ZBTB7C: variants seen among roughly 807,000 people sequenced by gnomAD.
ZBTB7C encodes zinc finger and BTB domain-containing protein 7C.
Under a neutral mutation model 25.7 loss-of-function variants are expected in ZBTB7C, and 8 were observed. That is an observed-to-expected ratio of 0.31 (90% CI 0.18 to 0.56). ZBTB7C has a LOEUF of 0.56. Ranked by LOEUF, ZBTB7C falls within the 20% of genes least tolerant of loss-of-function variation. The pLI, the probability that ZBTB7C is intolerant of heterozygous loss-of-function variation, is 0.91. For missense variants in ZBTB7C, 824 were observed against 855.2 expected, an observed-to-expected ratio of 0.96 and a Z score of 0.46; for synonymous variants, 394 against 369.0, an observed-to-expected ratio of 1.07 and a Z score of -0.78.
chr18:48,321,798 G>C (rs902946376), intron 2 of ZBTB7C, among the ~76,000 whole-genome samples: 1 of 152,128 alleles, frequency 6.6e-6, no homozygotes, highest in Non-Finnish European at 1.5e-5. Context: ...GCTGCGTGCC[G>C]ATCCGCCCCA....
intron 3 of ZBTB7C, among the ~76,000 whole-genome samples, chr18:48,110,376 G>T (rs1487935014): frequency 2.6e-5 from 4 of 152,112 alleles, no homozygotes; most frequent in Admixed American, 2.6e-4. Flanking sequence ...TTCTTCCTGG[G>T]CACCTCTTAG....
intron 2 of ZBTB7C, among the ~76,000 whole-genome samples, chr18:48,267,583 C>T (rs1011265105): frequency 9.9e-5 from 15 of 152,212 alleles, no homozygotes; most frequent in African/African-American, 2.7e-4. Context: ...ACATCATGTT[C>T]TGGTTTGCAG....
At chr18:48,221,004 C>A (rs1044373476) in intron 2 of ZBTB7C, among the ~76,000 whole-genome samples, 6 of 151,678 alleles carry the variant, frequency 4.0e-5, no homozygotes, top group Non-Finnish European at 5.9e-5. Flanking sequence ...CCTGGTCTCC[C>A]TCTATGCTGT....
At chr18:48,272,590 A>C (rs2144583890) in intron 2 of ZBTB7C, among the ~76,000 whole-genome samples, 1 of 152,340 alleles carries the variant, frequency 6.6e-6, no homozygotes, top group Non-Finnish European at 1.5e-5. Context: ...TTTGGGAAAG[A>C]GTGAAGAGTT....
intron 3 of ZBTB7C, chr18:48,083,791 T>C (rs1479808286): frequency 1.0e-6 from 1 of 974,904 alleles, no homozygotes; most frequent in Non-Finnish European, 1.2e-6. Flanking sequence ...AACTCCTTTG[T>C]TCCTTCTGAT....
intron 3 of ZBTB7C, among the ~76,000 whole-genome samples, chr18:48,132,881 T>C (rs1485687609): frequency 6.6e-6 from 1 of 152,224 alleles, no homozygotes; most frequent in Non-Finnish European, 1.5e-5. Context: ...AACGCATATG[T>C]GTAGGCAGCA....
intron 2 of ZBTB7C, among the ~76,000 whole-genome samples, chr18:48,285,354 C>G (rs530380962): frequency 1.3e-5 from 2 of 152,306 alleles, no homozygotes; most frequent in South Asian, 4.1e-4. Flanking sequence ...ATTATATGTC[C>G]TAGCAGACTG....
At chr18:48,257,429 A>T (rs746118572) in intron 2 of ZBTB7C, among the ~76,000 whole-genome samples, 12 of 152,188 alleles carry the variant, frequency 7.9e-5, no homozygotes, top group Non-Finnish European at 1.3e-4. Context: ...AAACTTTCCC[A>T]TAAAGAAAAT....
chr18:48,040,385 G>A lies in ZBTB7C; in HGVS notation c.723C>T (p.Ile241=). 1.2e-6 allele frequency: 2 copies of A among 1,612,214 alleles called. No homozygotes were observed. Among genetic ancestry groups the A allele is most frequent in the Non-Finnish European group, 1.7e-6 (2 of 1,179,016 alleles). The change falls in exon 4 of 5, where the codon ATC becomes ATT. Residue 241 remains isoleucine (I), a synonymous_variant. Transcript: ENST00000590800. ...GAGACAAGGAGGGTCTCCTGTCGGG[G>A]ATGTTGGCCTTGGGGTACAGGTTCT... ...LRENLYPKAN[I]PDRRPSLSPF...
Position 48,040,634 on chromosome 18 carries a change from C to G in ZBTB7C, c.474G>C (p.Glu158Asp), listed in dbSNP as rs944095879. The G allele has an allele frequency of 1.9e-6, 3 of 1,609,794 alleles. No homozygotes were observed. Among genetic ancestry groups the G allele is most frequent in the Non-Finnish European group, 2.5e-6 (3 of 1,177,318 alleles). ...DDDEEDEEEE[E>D]EEEEDDDDDT... The stretch of plus-strand genomic sequence containing the variant: ...CATCATCGTCATCCTCCTCCTCTTC[C>G]TCCTCCTCCTCTTCGTCCTCCTCAT... Residue 158 changes from glutamate (E) to aspartate (D), a missense_variant, in exon 4 of 5, where the codon GAG becomes GAC. Glu to Asp is a conservative substitution (Grantham distance 45). This residue lies in a region of ZBTB7C where 316 missense variants were observed against 299.2 expected (regional missense o/e 1.06). Transcript: ENST00000590800.
At chr18:48,391,216 G>A (rs1325922566) in intron 1 of ZBTB7C, among the ~76,000 whole-genome samples, 1 of 152,170 alleles carries the variant, frequency 6.6e-6, no homozygotes, top group Non-Finnish European at 1.5e-5. Flanking sequence ...CCAAGTGAAG[G>A]GACATCCTCT....
chr18:48,407,856 G>A (rs2048317029), intron 1 of ZBTB7C, among the ~76,000 whole-genome samples: 1 of 152,038 alleles, frequency 6.6e-6, no homozygotes, highest in South Asian at 2.1e-4. Flanking sequence ...CAACACCCGG[G>A]TATCTGGCCC....
At chr18:48,187,261 C>T (rs187162952) in intron 2 of ZBTB7C, among the ~76,000 whole-genome samples, 55 of 152,324 alleles carry the variant, frequency 3.6e-4, no homozygotes, top group African/African-American at 1.2e-3. Flanking sequence ...TGTACATCCA[C>T]GTTCATCAGC....
intron 2 of ZBTB7C, among the ~76,000 whole-genome samples, chr18:48,200,872 T>G (rs1249814241): frequency 1.3e-5 from 2 of 152,144 alleles, no homozygotes; most frequent in Non-Finnish European, 2.9e-5. Flanking sequence ...ACCTGCCTCT[T>G]GAAAAGCAAC....
At chr18:48,219,154 G>A (rs1428458933) in intron 2 of ZBTB7C, among the ~76,000 whole-genome samples, 1 of 152,150 alleles carries the variant, frequency 6.6e-6, no homozygotes, top group Non-Finnish European at 1.5e-5. Context: ...CTGTCTTATA[G>A]ATGCAGCAGC....
chr18:48,374,807 C>T (rs1270482046), intron 1 of ZBTB7C, among the ~76,000 whole-genome samples: 1 of 152,212 alleles, frequency 6.6e-6, no homozygotes, highest in African/African-American at 2.4e-5. Flanking sequence ...TCTTTGGAAA[C>T]ATGCCTTCCC....
intron 3 of ZBTB7C, among the ~76,000 whole-genome samples, chr18:48,121,495 T>C (rs1040156804): frequency 2.6e-5 from 4 of 152,168 alleles, no homozygotes; most frequent in Non-Finnish European, 4.4e-5. Context: ...GCCCCCACAC[T>C]TTACTGACCC....
intron 1 of ZBTB7C, among the ~76,000 whole-genome samples, chr18:48,408,995 C>A (rs2048345952): frequency 6.6e-6 from 1 of 151,200 alleles, no homozygotes; most frequent in Non-Finnish European, 1.5e-5. Flanking sequence ...CCACCGCAGC[C>A]CCCCGCCTCC....
intron 2 of ZBTB7C, among the ~76,000 whole-genome samples, chr18:48,297,804 A>T (rs1169247175): frequency 6.6e-6 from 1 of 152,240 alleles, no homozygotes; most frequent in African/African-American, 2.4e-5. Flanking sequence ...ACGCTCATTA[A>T]GAGGATAAAA....
Sources: allele counts gnomAD v4.1 joint callset (sites outside exome capture counted in the v4.1 genomes callset), GRCh38; gene constraint gnomAD v4.1.1; regional missense constraint gnomAD v4.1.1; transcripts MANE v1.5; gene names NCBI Gene and HGNC (gene_info 2026-07-23, HGNC 2026-07-21).